The following GLIS3 variants were observed in gnomAD, a reference collection of about 807,000 sequenced individuals.
GLIS3 encodes the protein GLIS family zinc finger 3, also known as zinc finger protein GLIS3.
GLIS3 carries 53 observed loss-of-function variants against 78.6 expected under a neutral mutation model. That is an observed-to-expected ratio of 0.67 (90% CI 0.54 to 0.85). The LOEUF (loss-of-function observed/expected upper bound fraction) is 0.85. GLIS3 is among the 40% of genes least tolerant of loss of function. GLIS3 has a pLI of 0.00. For synonymous variants in GLIS3, 684 were observed against 509.9 expected (o/e 1.34, Z -4.60); for missense variants, 1,703 against 1,231.1 (o/e 1.38, Z -5.74).
At chr9:4,170,043 C>A (rs1244540416) in intron 2 of GLIS3, among the ~76,000 whole-genome samples, 3 of 152,044 alleles carry the variant, frequency 2.0e-5, no homozygotes, top group African/African-American at 7.2e-5. Flanking sequence ...CTGTGATAAG[C>A]AGTAAATCAC....
intron 1 of GLIS3, among the ~76,000 whole-genome samples, chr9:4,294,749 A>G (rs1816332575): frequency 1.3e-5 from 2 of 152,186 alleles, no homozygotes; most frequent in South Asian, 2.1e-4. Flanking sequence ...CCCAGCCCTT[A>G]CATGTACACA....
chr9:3,881,782 G>A (rs555707624), intron 7 of GLIS3, among the ~76,000 whole-genome samples: 7 of 152,184 alleles, frequency 4.6e-5, no homozygotes, highest in African/African-American at 1.4e-4. Flanking sequence ...TGGGGAAACT[G>A]TAATTTAATG....
chr9:3,892,184 C>T (rs754212615), intron 7 of GLIS3, among the ~76,000 whole-genome samples: 10 of 151,938 alleles, frequency 6.6e-5, no homozygotes, highest in South Asian at 4.2e-4. Flanking sequence ...CTAGAGAGAA[C>T]GGGACTGGAG....
intron 2 of GLIS3, among the ~76,000 whole-genome samples, chr9:4,326,421 C>T (rs148572690): frequency 9.2e-5 from 14 of 152,104 alleles, no homozygotes; most frequent in East Asian, 7.7e-4. Context: ...GGACACATCT[C>T]GAAAACATTA....
At chr9:4,287,776 G>T (rs567137933) in intron 1 of GLIS3, among the ~76,000 whole-genome samples, 6 of 152,316 alleles carry the variant, frequency 3.9e-5, no homozygotes, top group African/African-American at 1.4e-4. Context: ...CACTTTTTGT[G>T]AAGAGTTTAT....
chr9:4,019,401 G>C (rs1822693189), intron 4 of GLIS3, among the ~76,000 whole-genome samples: 1 of 152,006 alleles, frequency 6.6e-6, no homozygotes, highest in African/African-American at 2.4e-5. Flanking sequence ...CAGCCTCACT[G>C]TTTGGCAGCT....
chr9:3,829,014 T>C (rs1219467158), intron 10 of GLIS3, among the ~76,000 whole-genome samples: 3 of 152,054 alleles, frequency 2.0e-5, no homozygotes, highest in African/African-American at 4.8e-5. Flanking sequence ...GCAATGTTCA[T>C]GGTAGTATGG....
the GLIS3 span, among the ~76,000 whole-genome samples, chr9:4,469,877 T>C: frequency 5.9e-5 from 9 of 151,864 alleles, no homozygotes; most frequent in South Asian, 1.9e-3. Context: ...ACAAAATTGA[T>C]AGACCACTAG....
intron 1 of GLIS3, among the ~76,000 whole-genome samples, chr9:4,347,900 A>T (rs958305513): frequency 6.6e-6 from 1 of 152,182 alleles, no homozygotes; most frequent in South Asian, 2.1e-4. Context: ...GGAACAATAG[A>T]GTGGAGTTTT....
chr9:4,118,251 G>T lies in GLIS3; in HGVS notation c.1227C>A (p.Asn409Lys), dbSNP rs534295783. ...EHGGLQPGLV[N>K]HMVVQHGLPG... ...GCAGGCCATGCTGCACCACCATGTGGTTGACCAGGCCTGGCTGCAGGCCGC... is the reference window on the plus strand; with the variant it reads ...GCAGGCCATGCTGCACCACCATGTGTTTGACCAGGCCTGGCTGCAGGCCGC... The change falls in exon 4 of 11, where the codon AAC (asparagine) becomes AAA (lysine). Residue 409 changes from asparagine to lysine, a missense_variant. Physicochemically the swap from Asn to Lys is moderately conservative, Grantham distance 94. Coordinates refer to ENST00000381971, the MANE Select transcript of GLIS3 (RefSeq NM_001042413.2). This position sits in a 1 kb window ranked among gnomAD's most constrained non-coding sequence, Gnocchi z 4.7. 203 of 1,590,964 alleles carry T rather than the reference G, an allele frequency of 1.3e-4. No individual in the cohort carries two copies. The highest frequency in any genetic ancestry group is 1.6e-4 in the Non-Finnish European group (191 of 1,169,194).
chr9:3,897,919 A>T (rs1367214411), intron 7 of GLIS3, among the ~76,000 whole-genome samples: 1 of 152,150 alleles, frequency 6.6e-6, no homozygotes, highest in Admixed American at 6.5e-5. Flanking sequence ...GAAAATTCTC[A>T]TTGTCTGGAA....
chr9:4,437,240 G>A, the GLIS3 span, among the ~76,000 whole-genome samples: 12 of 152,222 alleles, frequency 7.9e-5, no homozygotes, highest in East Asian at 2.3e-3. Flanking sequence ...TTGATTGCTG[G>A]ACCCCCAACT....
intron 4 of GLIS3, among the ~76,000 whole-genome samples, chr9:3,949,504 G>T (rs1190453715): frequency 1.3e-5 from 2 of 152,292 alleles, no homozygotes; most frequent in South Asian, 4.1e-4. Flanking sequence ...GCCAAACAAC[G>T]AAATATCTTA....
At chr9:4,202,251 T>C (rs1465783739) in intron 2 of GLIS3, among the ~76,000 whole-genome samples, 6 of 148,054 alleles carry the variant, frequency 4.1e-5, no homozygotes, top group Non-Finnish European at 8.9e-5. Flanking sequence ...CCTGGGTTCA[T>C]GCCATTCTCC....
intron 4 of GLIS3, among the ~76,000 whole-genome samples, chr9:4,100,070 T>G (rs969644114): frequency 6.6e-6 from 1 of 152,244 alleles, no homozygotes; most frequent in East Asian, 1.9e-4. Context: ...TACAGAAGAA[T>G]GTTTTGAAAC....
chr9:4,231,728 T>G (rs1822270428), intron 2 of GLIS3, among the ~76,000 whole-genome samples: 1 of 152,256 alleles, frequency 6.6e-6, no homozygotes, highest in Admixed American at 6.5e-5. Context: ...ACCAACTAAG[T>G]ATTATTCAAT....
At chr9:4,423,310 G>A in the GLIS3 span, among the ~76,000 whole-genome samples, 29 of 152,184 alleles carry the variant, frequency 1.9e-4, no homozygotes, top group East Asian at 3.5e-3. Context: ...TCCACCACAC[G>A]GAAGGGCGGC....
the GLIS3 span, among the ~76,000 whole-genome samples, chr9:4,374,408 C>T: frequency 6.6e-6 from 1 of 152,218 alleles, no homozygotes; most frequent in African/African-American, 2.4e-5. Context: ...CACCTTATAG[C>T]ATATTTCAAA....
At chr9:4,115,114 T>C (rs948324691) in intron 4 of GLIS3, among the ~76,000 whole-genome samples, 1 of 152,214 alleles carries the variant, frequency 6.6e-6, no homozygotes, top group Admixed American at 6.5e-5. Context: ...TACCATAACT[T>C]CCAGAAGCTC....
Sources: gnomAD v4.1 joint callset for allele counts (sites outside exome capture counted in the v4.1 genomes callset) on GRCh38, gnomAD v4.1.1 for gene constraint, Gnocchi (gnomAD v3.1) non-coding constraint, MANE v1.5 for transcripts, NCBI Gene and HGNC (gene_info 2026-07-23, HGNC 2026-07-21) for gene names.